CCDC93: variants seen among roughly 807,000 people sequenced by gnomAD.
CCDC93 encodes coiled-coil domain-containing protein 93.
CCDC93 carries 61 observed loss-of-function variants against 108.2 expected under a neutral mutation model. The observed-to-expected ratio is 0.56, with a 90% CI of 0.46 to 0.70. CCDC93 has a LOEUF of 0.70. CCDC93 is among the 30% of genes least tolerant of loss of function. The probability of loss-of-function intolerance (pLI) is 0.00; values close to 1 mark genes in which losing one functional copy is unlikely to be tolerated. For missense variants in CCDC93, 685 were observed against 764.2 expected, an observed-to-expected ratio of 0.90 and a Z score of 1.22; for synonymous variants, 276 against 260.4, an observed-to-expected ratio of 1.06 and a Z score of -0.58.
chr2:117,975,052 T>C, intron 9 of CCDC93, 136 bp downstream of exon 9: 1 of 1,037,464 alleles, frequency 9.6e-7, no homozygotes, highest in Non-Finnish European at 1.5e-6. Context: ...AAAATGAAAC[T>C]GGAAGGTGTG....
At chr2:118,008,440 G>A (rs1676935667) in intron 2 of CCDC93, 105 bp downstream of exon 2, 1 of 700,244 alleles carries the variant, frequency 1.4e-6, no homozygotes, top group Non-Finnish European at 2.5e-6. Context: ...TGGAAACACA[G>A]ACATGGAAGA....
intron 18 of CCDC93, 27 bp from the exon 19 acceptor site, chr2:117,941,324 G>T: frequency 6.3e-7 from 1 of 1,578,848 alleles, no homozygotes; most frequent in Non-Finnish European, 8.7e-7. Context: ...GACAGAGACA[G>T]TACTATTTGG....
chr2:117,989,054 T>C (rs1991100), intron 6 of CCDC93, among the ~76,000 whole-genome samples: 59,601 of 152,166 alleles, frequency 0.39, 12,323 homozygotes, highest in East Asian at 0.68. Context: ...AACTATTGGC[T>C]CAAAAGTTGA....
At chr2:117,973,757 T>C (rs949228083) in intron 11 of CCDC93, 151 bp downstream of exon 11, 2 of 646,562 alleles carry the variant, frequency 3.1e-6, no homozygotes, top group African/African-American at 3.6e-5. Context: ...TAGCCGGTTG[T>C]GCATGGTAAA....
chr2:117,959,500 T>C (rs1224939532), intron 11 of CCDC93, among the ~76,000 whole-genome samples: 1 of 152,178 alleles, frequency 6.6e-6, no homozygotes, highest in East Asian at 1.9e-4. Context: ...AAGTCTAAGA[T>C]ATTTACCCAC....
chr2:117,925,899 AG>A (rs1228796664), intron 23 of CCDC93, among the ~76,000 whole-genome samples: 2 of 152,370 alleles, frequency 1.3e-5, no homozygotes, highest in Admixed American at 6.5e-5. Context: ...GTAAAACAAC[AG>A]AAATTATAAC....
intron 3 of CCDC93, among the ~76,000 whole-genome samples, chr2:118,001,969 T>C (rs368637147): frequency 1.3e-5 from 2 of 152,112 alleles, no homozygotes; most frequent in Admixed American, 6.6e-5. Context: ...CCTGGGAACA[T>C]TGAGAAGCAG....
intron 23 of CCDC93, among the ~76,000 whole-genome samples, chr2:117,924,897 A>G (rs976349824): frequency 6.6e-6 from 1 of 152,252 alleles, no homozygotes; most frequent in Non-Finnish European, 1.5e-5. Flanking sequence ...TTACCCACAA[A>G]GGGAAGCCCA....
intron 6 of CCDC93, among the ~76,000 whole-genome samples, chr2:117,989,398 A>G (rs1418127108): frequency 6.6e-6 from 1 of 151,766 alleles, no homozygotes; most frequent in African/African-American, 2.4e-5. Flanking sequence ...GGTATAAGGG[A>G]CTCCTCTACC....
Position 117,961,250 on chromosome 2 carries a change from T to C in CCDC93, c.889-2769A>G, listed in dbSNP as rs181495871. On this transcript the variant is annotated intron_variant, in intron 11 of 23. Coordinates refer to ENST00000376300, the MANE Select transcript of CCDC93 (RefSeq NM_019044.5). ...AATGCTCGCAATGCACAGAAAAATA[T>C]CTTGAAATCTCTATAGGTACCTCTA... Among the ~76,000 whole-genome samples, 5 of 152,278 alleles carry C rather than the reference T, an allele frequency of 3.3e-5. 1 individual carries two copies. In the East Asian group the frequency reaches 9.7e-4, roughly 29 times the overall value.
chr2:117,956,130 T>G (rs1679208117), intron 12 of CCDC93, among the ~76,000 whole-genome samples: 1 of 152,228 alleles, frequency 6.6e-6, no homozygotes, highest in African/African-American at 2.4e-5. Flanking sequence ...CCTCATCCAG[T>G]TGGCCTAGCT....
chr2:118,010,887 G>T (rs966442321), intron 1 of CCDC93, among the ~76,000 whole-genome samples: 1 of 152,084 alleles, frequency 6.6e-6, no homozygotes, highest in African/African-American at 2.4e-5. Context: ...AGTCTATCCT[G>T]AAATGGCCAC....
intron 11 of CCDC93, among the ~76,000 whole-genome samples, chr2:117,964,790 T>C (rs35116013): frequency 3.9e-4 from 60 of 152,128 alleles, no homozygotes; most frequent in Non-Finnish European, 7.6e-4. Flanking sequence ...TTTGTAGAGA[T>C]AGGGGTCTCA....
intron 8 of CCDC93, among the ~76,000 whole-genome samples, chr2:117,976,509 T>C (rs1056521572): frequency 6.6e-6 from 1 of 152,168 alleles, no homozygotes; most frequent in African/African-American, 2.4e-5. Flanking sequence ...TCATAATCAG[T>C]ACATGACTAA....
At chr2:117,929,564 C>T (rs1678253215) in intron 23 of CCDC93, among the ~76,000 whole-genome samples, 1 of 152,212 alleles carries the variant, frequency 6.6e-6, no homozygotes, top group South Asian at 2.1e-4. Flanking sequence ...TATACTTATC[C>T]TCCTCAACTT....
chr2:117,944,090 A>G lies in CCDC93; in HGVS notation c.1351-4T>C, dbSNP rs1678792730. ...TATACCGTCTGTCTAGGTCTTCCTA[A>G]AAATTGGAAAAGGCTGTAATTATCT... On this transcript the variant is annotated splice_region_variant and splice_polypyrimidine_tract_variant and intron_variant, in intron 17 of 23. Coordinates refer to ENST00000376300, the MANE Select transcript of CCDC93 (RefSeq NM_019044.5). The G allele has an allele frequency of 6.3e-7, 1 of 1,585,872 alleles. No individual in the cohort carries two copies. The highest frequency in any genetic ancestry group is 1.2e-5 in the South Asian group (1 of 84,220).
In CCDC93 at chr2:117,948,170, T is replaced by G; in HGVS notation, c.1159A>C (p.Arg387=). 1 of 1,613,394 alleles carries G rather than the reference T, an allele frequency of 6.2e-7. No homozygotes were observed. Among genetic ancestry groups the G allele is most frequent in the Non-Finnish European group, 8.5e-7 (1 of 1,179,412 alleles). Residue 387 remains arginine (R), a synonymous_variant, in exon 15 of 24, where the codon AGA becomes CGA. Transcript: ENST00000376300. ...KADPSILQNL[R]ALVAMNENLK... ...TTTTCATTCATGGCTACAAGTGCTC[T>G]CAGGTTCTGTAGGATACTGAAGAGA...
intron 2 of CCDC93, 152 bp from the exon 3 acceptor site, chr2:118,006,968 C>A: frequency 1.6e-6 from 1 of 610,396 alleles, no homozygotes; most frequent in Non-Finnish European, 3.0e-6. Flanking sequence ...CCTCCTTACC[C>A]CATCAAGTAC....
At position 117,918,813 on chromosome 2, in the gene CCDC93, A is replaced by C. The variant is rs755003690; in HGVS notation, c.*1530T>G. 3.3e-5 allele frequency: 5 copies of C among 152,210 alleles called. No homozygotes were observed. The highest frequency in any genetic ancestry group is 6.5e-5 in the Admixed American group (1 of 15,276). The allele number at this position is 152,210 out of a possible 1,614,324, so 9.4% of individuals were successfully genotyped here. A position where few individuals can be genotyped will look rare whatever the true frequency, so the allele number is the denominator to read the frequency against. On this transcript the variant is annotated 3_prime_UTR_variant, in exon 24 of 24. Transcript: ENST00000376300. The stretch of plus-strand genomic sequence containing the variant: ...CTCGCAGGTGGCAGTTTCTATTTGC[A>C]AGCTGCTGCTTCCGCCTGGCTCAGG...
Sources: allele counts gnomAD v4.1 joint callset (sites outside exome capture counted in the v4.1 genomes callset), GRCh38; gene constraint gnomAD v4.1.1; transcripts MANE v1.5; gene names NCBI Gene and HGNC (gene_info 2026-07-23, HGNC 2026-07-21).